CUX1: variants seen among roughly 807,000 people sequenced by gnomAD.
CUX1 encodes cut like homeobox 1.
A neutral mutation model predicts 158.8 loss-of-function variants in CUX1; 31 were observed. That is an observed-to-expected ratio of 0.20 (90% CI 0.15 to 0.26). The LOEUF (loss-of-function observed/expected upper bound fraction) is 0.26, where lower values mean the gene tolerates loss of function less well. Among genes scored for constraint, CUX1 ranks in the 10% least tolerant of loss-of-function variants. The pLI is 1.00. For missense variants in CUX1, 1,589 were observed against 2,014.6 expected, an observed-to-expected ratio of 0.79 and a Z score of 4.04; for synonymous variants, 879 against 862.1, an observed-to-expected ratio of 1.02 and a Z score of -0.34.
chr7:101,869,091 T>C lies in CUX1; in HGVS notation c.31-47024T>C, dbSNP rs1798214205. ...AGGGCGGGCGAGGGGGCAAAGGGCC[T>C]GGGGCATGGACTTGGGCAGGTAGCA... On this transcript the variant is annotated intron_variant, in intron 1 of 23. Transcript: ENST00000292535. This position sits in a 1 kb window ranked among gnomAD's most constrained non-coding sequence, Gnocchi z 4.5. 9.4e-6 allele frequency among the ~76,000 whole-genome samples: 1 copy of C among 106,910 alleles called. No homozygotes were observed. The highest frequency in any genetic ancestry group is 1.1e-4 in the Admixed American group (1 of 8,730). 70.1% of individuals were successfully genotyped at this position (106,910 alleles called of 152,430 possible).
chr7:102,132,424 T>A (rs1276019268), intron 8 of CUX1, among the ~76,000 whole-genome samples: 1 of 152,062 alleles, frequency 6.6e-6, no homozygotes, highest in East Asian at 1.9e-4. Flanking sequence ...ACATTTCTAC[T>A]ATGAGCATCT....
chr7:101,945,328 T>A (rs1012530981), intron 2 of CUX1, among the ~76,000 whole-genome samples: 2 of 152,130 alleles, frequency 1.3e-5, no homozygotes, highest in African/African-American at 4.8e-5. Flanking sequence ...CCGAAACCAC[T>A]CCACAGAATG....
intron 1 of CUX1, among the ~76,000 whole-genome samples, chr7:101,847,079 G>A (rs1028730426): frequency 4.6e-5 from 7 of 152,246 alleles, no homozygotes; most frequent in South Asian, 2.1e-4. Context: ...AGGAGTTCGC[G>A]GCTGCAGCAA....
chr7:102,181,592 C>T (rs782490874), intron 11 of CUX1, among the ~76,000 whole-genome samples: 4 of 152,108 alleles, frequency 2.6e-5, no homozygotes, highest in Non-Finnish European at 4.4e-5. Flanking sequence ...TGTTTAATAC[C>T]GTGCAGTTAA....
intron 2 of CUX1, among the ~76,000 whole-genome samples, chr7:101,920,414 G>A (rs1373758105): frequency 1.3e-5 from 2 of 152,108 alleles, no homozygotes; most frequent in African/African-American, 4.8e-5. Flanking sequence ...AAGCCACCGC[G>A]CCTGGCCGTA....
intron 10 of CUX1, among the ~76,000 whole-genome samples, chr7:102,177,490 C>T (rs1430002887): frequency 4.6e-5 from 7 of 151,938 alleles, no homozygotes; most frequent in Middle Eastern, 3.4e-3. Context: ...TCTCAGCTTC[C>T]GGGTAATTTA....
intron 8 of CUX1, among the ~76,000 whole-genome samples, chr7:102,126,877 C>T (rs1832691875): frequency 6.6e-6 from 1 of 152,196 alleles, no homozygotes; most frequent in Non-Finnish European, 1.5e-5. Flanking sequence ...GAGCCCTGAG[C>T]TTGTTTTTCT....
intron 5 of CUX1, among the ~76,000 whole-genome samples, chr7:102,103,281 C>G (rs1420816190): frequency 5.3e-5 from 8 of 152,288 alleles, no homozygotes; most frequent in African/African-American, 1.9e-4. Flanking sequence ...CCCTTCCAGC[C>G]CACTCCCTCC....
intron 1 of CUX1, among the ~76,000 whole-genome samples, chr7:101,862,044 A>G (rs188600314): frequency 2.0e-4 from 30 of 152,330 alleles, no homozygotes; most frequent in Admixed American, 1.8e-3. Flanking sequence ...CATGTTGGCC[A>G]GGCTGGTCTC....
intron 11 of CUX1, among the ~76,000 whole-genome samples, chr7:102,180,848 G>T (rs1792972917): frequency 6.6e-6 from 1 of 151,308 alleles, no homozygotes; most frequent in African/African-American, 2.4e-5. Flanking sequence ...TTGGGGAAAT[G>T]GTTGAAACCT....
intron 8 of CUX1, among the ~76,000 whole-genome samples, chr7:102,130,020 G>A (rs1030633897): frequency 6.6e-6 from 1 of 152,224 alleles, no homozygotes; most frequent in African/African-American, 2.4e-5. Context: ...GCAGGAGCGA[G>A]CGAGATAATT....
intron 1 of CUX1, among the ~76,000 whole-genome samples, chr7:101,854,311 T>A: frequency 6.6e-6 from 1 of 152,152 alleles, no homozygotes; most frequent in Admixed American, 6.6e-5. Flanking sequence ...TAACATATGA[T>A]TAACACAAGT....
chr7:102,021,220 T>C (rs1435322666), intron 2 of CUX1, among the ~76,000 whole-genome samples: 1 of 152,176 alleles, frequency 6.6e-6, no homozygotes, highest in African/African-American at 2.4e-5. Context: ...ATGTTGTACC[T>C]CTTAAATGCA....
intron 20 of CUX1, among the ~76,000 whole-genome samples, chr7:102,215,661 C>T (rs1034631579): frequency 5.9e-5 from 9 of 152,186 alleles, no homozygotes; most frequent in African/African-American, 2.2e-4. Flanking sequence ...CTAATACCAT[C>T]GTGGAAGACG....
chr7:102,016,759 C>T (rs939844649), intron 2 of CUX1, among the ~76,000 whole-genome samples: 1 of 152,220 alleles, frequency 6.6e-6, no homozygotes, highest in Non-Finnish European at 1.5e-5. Context: ...GCATAAATCT[C>T]TGCCTACATC....
At chr7:102,045,914 G>A (rs1822725614) in intron 3 of CUX1, among the ~76,000 whole-genome samples, 1 of 152,164 alleles carries the variant, frequency 6.6e-6, no homozygotes, top group Non-Finnish European at 1.5e-5. Context: ...TCCTGAACAT[G>A]GGGCTCTGGC....
intron 11 of CUX1, among the ~76,000 whole-genome samples, chr7:102,187,775 C>T (rs1011419905): frequency 2.0e-4 from 30 of 151,822 alleles, no homozygotes; most frequent in Admixed American, 1.3e-3. Flanking sequence ...TCCCAAAGTG[C>T]TGGGATTACA....
chr7:102,257,821 C>CT lies in CUX1; in HGVS notation c.*8779_*8780insT, dbSNP rs1207467068. 4.1e-6 allele frequency: 4 copies of CT among 983,436 alleles called. No homozygotes were observed. Among genetic ancestry groups the CT allele is most frequent in the Non-Finnish European group, 2.4e-6 (2 of 829,718 alleles). The allele number at this position is 983,436 out of a possible 1,614,324, so 60.9% of individuals were successfully genotyped here. ...TCTAGAGCTTGTTTGTTCATCCTCA[C>CT]AATCACAGATTTTTTTCTCCAATCC... On this transcript the variant is annotated 3_prime_UTR_variant, in exon 24 of 24. Coordinates refer to ENST00000292535, the MANE Select transcript of CUX1 (RefSeq NM_181552.4).
chr7:102,080,824 G>A (rs903885236), intron 4 of CUX1, among the ~76,000 whole-genome samples: 2 of 152,116 alleles, frequency 1.3e-5, no homozygotes, highest in African/African-American at 2.4e-5. Flanking sequence ...AGAGTGATCC[G>A]AAGAACTCAA....
Sources: allele counts gnomAD v4.1 joint callset (sites outside exome capture counted in the v4.1 genomes callset), GRCh38; gene constraint gnomAD v4.1.1; non-coding constraint Gnocchi (gnomAD v3.1); transcripts MANE v1.5; gene names NCBI Gene and HGNC (gene_info 2026-07-23, HGNC 2026-07-21).